The following SPATC1 variants were observed in gnomAD, a reference collection of about 807,000 sequenced individuals.
SPATC1 encodes spermatogenesis and centriole associated 1.
In SPATC1, 35 loss-of-function variants were observed where a neutral mutation model predicts 36.5. The observed-to-expected ratio is 0.96, with a 90% CI of 0.73 to 1.27. SPATC1 has a LOEUF of 1.27. Among genes scored for constraint, SPATC1 ranks in the 50% most tolerant of loss-of-function variants. The pLI is 0.00. For synonymous variants in SPATC1, 361 were observed against 353.6 expected (o/e 1.02, Z -0.24); for missense variants, 779 against 796.0 (o/e 0.98, Z 0.26).
upstream of SPATC1, among the ~76,000 whole-genome samples, chr8:144,011,031 TTAGACGTCTAA>T (rs1834277600): frequency 1.3e-5 from 2 of 151,848 alleles, no homozygotes; most frequent in South Asian, 4.2e-4. The surrounding 1 kb of genome is among the most constrained non-coding windows in gnomAD (Gnocchi z 4.5). Context: ...ATCACGTCTA[TTAGACGTCTAA>T]TAGACGTGAT....
rs914214424 is a variant in SPATC1 at position 144,045,508 on chromosome 8, G to T, written c.1447-1119G>T. On this transcript the variant is annotated intron_variant, in intron 4 of 4. Transcript: ENST00000377470. The surrounding 1 kb of genome is among the most constrained non-coding windows in gnomAD (Gnocchi z 5.2). The stretch of plus-strand genomic sequence containing the variant: ...TTCCCTGCAGGTTGGGGACCACCAC[G>T]TCAGCCATCTGGGACACAGCAGGAC... Among the ~76,000 whole-genome samples the T allele has an allele frequency of 2.0e-5, 3 of 152,226 alleles. No individual in the cohort carries two copies. The highest frequency in any genetic ancestry group is 4.4e-5 in the Non-Finnish European group (3 of 68,034).
intron 1 of SPATC1, among the ~76,000 whole-genome samples, chr8:144,022,444 C>T (rs1481347061): frequency 7.4e-4 from 52 of 70,714 alleles, no homozygotes; most frequent in Non-Finnish European, 1.3e-3. Flanking sequence ...AACCCTCTCA[C>T]CTCAGGACCC....
chr8:144,030,657 C>T (rs1834775132), intron 1 of SPATC1, among the ~76,000 whole-genome samples: 1 of 152,208 alleles, frequency 6.6e-6, no homozygotes, highest in Admixed American at 6.5e-5. Context: ...CCATGCCTGG[C>T]CTGCTGTTTA....
chr8:144,035,305 G>A (rs1834876244), intron 1 of SPATC1, among the ~76,000 whole-genome samples: 1 of 152,210 alleles, frequency 6.6e-6, no homozygotes, highest in Admixed American at 6.5e-5. Context: ...AAAGTGGGTA[G>A]CACTTACTGT....
Position 144,046,520 on chromosome 8 carries a change from C to G in SPATC1, c.1447-107C>G, listed in dbSNP as rs1354306370. 1 of 1,067,272 alleles carries G rather than the reference C, an allele frequency of 9.4e-7. No individual in the cohort carries two copies. Among genetic ancestry groups the G allele is most frequent in the Non-Finnish European group, 1.4e-6 (1 of 736,380 alleles). 66.1% of individuals were successfully genotyped at this position (1,067,272 alleles called of 1,614,324 possible). On this transcript the variant is annotated intron_variant, in intron 4 of 4. Transcript: ENST00000377470. The surrounding 1 kb of genome is among the most constrained non-coding windows in gnomAD (Gnocchi z 6.6). ...CAGAACCTCCCCACCGCACACCCCT[C>G]GGATCCTGGCCATCTCACAGCCTCA... is the stretch of plus-strand genomic sequence containing the variant.
Position 144,040,482 on chromosome 8 carries a change from G to A in SPATC1, c.766+19G>A. On this transcript the variant is annotated intron_variant, in intron 2 of 4. Transcript: ENST00000377470. ...ACCAAAGGTAACAGGTGTGGTGGGT[G>A]GTGGGTGGCAGAGTGGGGGGGGGCA... 2 of 1,573,130 alleles carry A rather than the reference G, an allele frequency of 1.3e-6. No homozygotes were observed. The highest frequency in any genetic ancestry group is 1.8e-5 in the Admixed American group (1 of 54,742).
Position 144,040,572 on chromosome 8 carries a change from A to G in SPATC1, c.771A>G (p.Pro257=), listed in dbSNP as rs1554755709. The G allele has an allele frequency of 6.3e-7, 1 of 1,583,730 alleles. No individual in the cohort carries two copies. ...CVVPTATTKV[P]LSTEPPQSTQ... ...CTGTTCCCTCCACATCACTAGTCCC[A>G]CTCTCCACTGAGCCCCCCCAGTCGA... Residue 257 remains proline, a synonymous_variant, in exon 3 of 5, where the codon CCA becomes CCG. Transcript: ENST00000377470.
intron 1 of SPATC1, among the ~76,000 whole-genome samples, chr8:144,030,821 G>T (rs1834778851): frequency 6.6e-6 from 1 of 151,600 alleles, no homozygotes; most frequent in African/African-American, 2.4e-5. Flanking sequence ...TACCCTGGGG[G>T]TCACAATAAA....
chr8:144,027,484 T>C (rs993275266), intron 1 of SPATC1, among the ~76,000 whole-genome samples: 2 of 152,238 alleles, frequency 1.3e-5, no homozygotes, highest in African/African-American at 4.8e-5. Context: ...CGCTTGTTGT[T>C]TGTGCCTTAG....
At chr8:144,011,676 A>C (rs781899805), upstream of SPATC1, among the ~76,000 whole-genome samples, 1 of 152,138 alleles carries the variant, frequency 6.6e-6, no homozygotes, top group Non-Finnish European at 1.5e-5. The surrounding 1 kb of genome is among the most constrained non-coding windows in gnomAD (Gnocchi z 4.5). Flanking sequence ...GAACCAGGTG[A>C]GGGATGCAGT....
chr8:144,041,204 C>A (rs782288559), intron 3 of SPATC1, 28 bp from the exon 4 acceptor site: 26 of 1,612,364 alleles, frequency 1.6e-5, no homozygotes, highest in Non-Finnish European at 2.1e-5. Context: ...ACCCTCTCAC[C>A]TGGGCTGACG....
At chr8:144,029,592 G>C (rs1161372594) in intron 1 of SPATC1, among the ~76,000 whole-genome samples, 1 of 152,206 alleles carries the variant, frequency 6.6e-6, no homozygotes, top group African/African-American at 2.4e-5. Context: ...TAAAAATAAA[G>C]AGTGTGTTGT....
At chr8:144,012,845 T>A in intron 1 of SPATC1, 119 bp downstream of exon 1, 1 of 1,046,556 alleles carries the variant, frequency 9.6e-7, no homozygotes. Flanking sequence ...CCTTGCCCTC[T>A]CTGCTCTAAC....
At chr8:144,027,492 T>C (rs1834709025) in intron 1 of SPATC1, among the ~76,000 whole-genome samples, 1 of 152,216 alleles carries the variant, frequency 6.6e-6, no homozygotes, top group Non-Finnish European at 1.5e-5. Context: ...GTTTGTGCCT[T>C]AGGTGTTATA....
chr8:144,041,084 G>T lies in SPATC1; in HGVS notation c.1283G>T (p.Ser428Ile), dbSNP rs1390319349. 6.3e-7 allele frequency: 1 copy of T among 1,586,664 alleles called. No homozygotes were observed. The highest frequency in any genetic ancestry group is 1.3e-5 in the African/African-American group (1 of 74,298). Residue 428 changes from serine (S) to isoleucine (I), a missense_variant, in exon 3 of 5, where the codon AGC (serine) becomes ATC (isoleucine). Physicochemically the swap from Ser to Ile is moderately radical, Grantham distance 142. Transcript: ENST00000377470. ...CGGAAGCTGGCCCACCGCAAGACCAGCAAGTTCCCCGAGAACCCCCGAGGT... is the reference window on the plus strand; with the variant it reads ...CGGAAGCTGGCCCACCGCAAGACCATCAAGTTCCCCGAGAACCCCCGAGGT... Reference protein sequence around the residue: ...VERKLAHRKTSKFPENPRESK... With the variant: ...VERKLAHRKTIKFPENPRESK...
chr8:144,023,369 C>G (rs1449952794), intron 1 of SPATC1, among the ~76,000 whole-genome samples: 1 of 148,598 alleles, frequency 6.7e-6, no homozygotes, highest in African/African-American at 2.4e-5. Flanking sequence ...CCCTCAGAAC[C>G]CTTTCCCTAA....
chr8:144,026,987 CT>C (rs1169014232), intron 1 of SPATC1, among the ~76,000 whole-genome samples: 3,147 of 114,330 alleles, frequency 0.028, 88 homozygotes, highest in African/African-American at 0.1. Context: ...TTTTTTTTTT[CT>C]TTTTTTTTTT....
intron 1 of SPATC1, among the ~76,000 whole-genome samples, chr8:144,037,859 G>A (rs1424569694): frequency 1.3e-5 from 2 of 151,832 alleles, no homozygotes; most frequent in South Asian, 2.1e-4. Flanking sequence ...GGCCGGGCTC[G>A]GTGGCCACGC....
chr8:144,014,275 AAGAG>A (rs149864099), intron 1 of SPATC1, among the ~76,000 whole-genome samples: 30 of 149,470 alleles, frequency 2.0e-4, no homozygotes, highest in Admixed American at 1.1e-3. Flanking sequence ...GAAAGAAAGA[AAGAG>A]AGAGAGAGAG....
Sources: allele counts gnomAD v4.1 joint callset (sites outside exome capture counted in the v4.1 genomes callset), GRCh38; gene constraint gnomAD v4.1.1; non-coding constraint Gnocchi (gnomAD v3.1); transcripts MANE v1.5; gene names NCBI Gene and HGNC (gene_info 2026-07-23, HGNC 2026-07-21).